UNC80: variants seen among roughly 807,000 people sequenced by gnomAD.
UNC80 encodes the protein unc-80 subunit of NALCN channel complex, also known as protein unc-80 homolog.
A neutral mutation model predicts 384.6 loss-of-function variants in UNC80; 164 were observed. The observed-to-expected ratio is 0.43, with a 90% CI of 0.38 to 0.49. The LOEUF is 0.49. Ranked by LOEUF, UNC80 falls within the 20% of genes least tolerant of loss-of-function variation. The pLI is 0.00. For missense variants in UNC80, 3,330 were observed against 4,143.0 expected (o/e 0.80, Z 5.39); for synonymous variants, 1,486 against 1,527.8 (o/e 0.97, Z 0.64).
intron 25 of UNC80, 67 bp from the exon 26 acceptor site, chr2:209,888,028 C>A: frequency 6.7e-7 from 1 of 1,484,126 alleles, no homozygotes; most frequent in Admixed American, 2.1e-5. Flanking sequence ...TGGTGGGAGG[C>A]TTGCCGCGAG....
intron 5 of UNC80, among the ~76,000 whole-genome samples, chr2:209,786,901 G>A (rs1214299580): frequency 6.7e-6 from 1 of 149,948 alleles, no homozygotes; most frequent in South Asian, 2.1e-4. Context: ...ATAAATTCTA[G>A]TCTTCTATTC....
At chr2:209,809,313 C>G in intron 7 of UNC80, 1 of 766,310 alleles carries the variant, frequency 1.3e-6, no homozygotes, top group Non-Finnish European at 2.4e-6. Context: ...TCCGAAGCCA[C>G]ACGCTGCCCT....
In UNC80 at chr2:209,918,659, A is replaced by ATTAATGAAGT. The variant is rs1246361103; in HGVS notation, c.5339_5340insTTAATGAAGT (p.Gln1780HisfsTer2). On this transcript the variant is annotated stop_gained and frameshift_variant, in exon 33 of 65. Coordinates refer to ENST00000673920, the MANE Select transcript of UNC80 (RefSeq NM_001371986.1). LOFTEE classifies it high-confidence loss of function. Reference sequence around the variant, plus strand: ...GTCCAGGACCCCATTAATGAAGACCAGTCTGTGAGTAACAGACACTTCCAG... The same window carrying ATTAATGAAGT: ...GTCCAGGACCCCATTAATGAAGACCATTAATGAAGTGTCTGTGAGTAACAGACACTTCCAG... The ATTAATGAAGT allele has an allele frequency of 6.5e-7, 1 of 1,546,278 alleles. No homozygotes were observed. The highest frequency in any genetic ancestry group is 1.4e-5 in the African/African-American group (1 of 72,978).
Position 209,984,905 on chromosome 2 carries a change from C to T in UNC80, c.9307C>T (p.Leu3103Phe). The T allele has an allele frequency of 6.4e-7, 1 of 1,551,082 alleles. No homozygotes were observed. Among genetic ancestry groups the T allele is most frequent in the Non-Finnish European group, 8.7e-7 (1 of 1,146,714 alleles). The change falls in exon 61 of 65, where the codon CTC becomes TTC. Residue 3103 changes from leucine to phenylalanine, a missense_variant. By Grantham distance (22) the Leu-to-Phe change is conservative. Around this residue, in one of 8 missense-constraint regions of UNC80, gnomAD observed 216 missense variants for 245.3 expected, o/e 0.88. Coordinates refer to ENST00000673920, the MANE Select transcript of UNC80 (RefSeq NM_001371986.1). ...DSQGLAAEGS[L>F]SRVASIQSEP... ...CCAGGGCCTGGCCGCCGAGGGCAGC[C>T]TCTCTAGGTACAGTGTCAATGCTAC...
chr2:209,910,558 T>G (rs888259931), intron 29 of UNC80, among the ~76,000 whole-genome samples: 3 of 151,604 alleles, frequency 2.0e-5, no homozygotes, highest in African/African-American at 7.3e-5. Context: ...CTTCCTAAGG[T>G]AACATGGTAG....
At chr2:209,802,821 A>G (rs2078647655) in intron 7 of UNC80, among the ~76,000 whole-genome samples, 1 of 152,218 alleles carries the variant, frequency 6.6e-6, no homozygotes, top group African/African-American at 2.4e-5. Context: ...CACAGGCTTA[A>G]CTGGGGAAAT....
At chr2:209,882,028 G>A (rs949010755) in intron 25 of UNC80, among the ~76,000 whole-genome samples, 13 of 147,320 alleles carry the variant, frequency 8.8e-5, no homozygotes, top group South Asian at 4.3e-4. Context: ...GAGCAATGGC[G>A]CGATCTCTGC....
rs1324311633 is a variant in UNC80, at chr2:209,955,720, TATATATATATATATATATACACACAC to T, written c.7457+1452_7457+1477del. Among the ~76,000 whole-genome samples the T allele has an allele frequency of 1.3e-3, 106 of 82,298 alleles. 3 individuals are homozygous for T. The highest frequency in any genetic ancestry group is 5.2e-3 in the East Asian group (15 of 2,882). The allele number at this position is 82,298 out of a possible 152,430, so 54.0% of individuals were successfully genotyped here. On this transcript the variant is annotated intron_variant, in intron 48 of 64. Coordinates refer to ENST00000673920, the MANE Select transcript of UNC80 (RefSeq NM_001371986.1). Reference sequence around the variant, plus strand: ...ATATATATATATATATATATATATATATATATATATATATATATACACACACACACACACACACAGAGAGAGACTGA... The same window carrying T: ...ATATATATATATATATATATATATATACACACACACACAGAGAGAGACTGA...
At chr2:209,922,163 C>T in intron 34 of UNC80, 89 bp from the exon 35 acceptor site, 4 of 1,395,608 alleles carry the variant, frequency 2.9e-6, no homozygotes, top group Non-Finnish European at 3.9e-6. Context: ...GGTCTGAGAG[C>T]AGTATGCATT....
At chr2:209,811,387 G>A (rs762187906) in intron 7 of UNC80, among the ~76,000 whole-genome samples, 1 of 152,166 alleles carries the variant, frequency 6.6e-6, no homozygotes, top group Admixed American at 6.5e-5. Context: ...ATATTGAAAG[G>A]ATTTGAGCCA....
intron 36 of UNC80, among the ~76,000 whole-genome samples, chr2:209,928,394 A>G (rs946969459): frequency 6.6e-6 from 1 of 152,180 alleles, no homozygotes; most frequent in Non-Finnish European, 1.5e-5. Context: ...ATGTGAAATG[A>G]CATACTCCAA....
rs957854693 is a variant in UNC80 at position 209,837,140 on chromosome 2, CT to C, written c.3042-2081del. ...AAAGAACTTAAAAATATTCAGTACTCTGATGAGATTTTAAGAAATTCTGGAT... is the reference window on the plus strand; with the variant it reads ...AAAGAACTTAAAAATATTCAGTACTCGATGAGATTTTAAGAAATTCTGGAT... On this transcript the variant is annotated intron_variant, in intron 18 of 64. Transcript: ENST00000673920. Among the ~76,000 whole-genome samples, 130 of 152,302 alleles carry C rather than the reference CT, an allele frequency of 8.5e-4. 1 individual carries two copies. Among genetic ancestry groups the C allele is most frequent in the African/African-American group, 3.1e-3 (129 of 41,560 alleles).
chr2:209,790,482 T>G (rs946899052), intron 6 of UNC80, among the ~76,000 whole-genome samples: 1 of 152,194 alleles, frequency 6.6e-6, no homozygotes, highest in African/African-American at 2.4e-5. Context: ...ATTTAACATC[T>G]TTGAAATTGA....
intron 29 of UNC80, among the ~76,000 whole-genome samples, chr2:209,909,776 T>A (rs2088696951): frequency 6.6e-6 from 1 of 152,022 alleles, no homozygotes. Context: ...CTAAGACATA[T>A]ACATAGGAAA....
chr2:209,917,681 A>G (rs2089665048), intron 31 of UNC80, 96 bp from the exon 32 acceptor site: 1 of 1,426,248 alleles, frequency 7.0e-7, no homozygotes, highest in Non-Finnish European at 9.4e-7. Context: ...CTCAGGAGTC[A>G]TTTTCAGAAG....
chr2:209,841,325 T>A (rs1353315138), intron 20 of UNC80, among the ~76,000 whole-genome samples: 1 of 152,182 alleles, frequency 6.6e-6, no homozygotes, highest in African/African-American at 2.4e-5. Flanking sequence ...TTTGTTTTGT[T>A]CCTTGTGGGT....
intron 25 of UNC80, among the ~76,000 whole-genome samples, chr2:209,883,133 A>T (rs1280311667): frequency 6.6e-6 from 1 of 152,128 alleles, no homozygotes; most frequent in African/African-American, 2.4e-5. Context: ...CAGCTATCTA[A>T]CCCTAGTTGG....
chr2:209,776,992 T>C (rs903043266), intron 3 of UNC80, among the ~76,000 whole-genome samples: 1 of 152,164 alleles, frequency 6.6e-6, no homozygotes, highest in Non-Finnish European at 1.5e-5. Context: ...GAGTCTATAT[T>C]TTTAACCACT....
At chr2:209,851,966 T>C (rs2082563469) in intron 22 of UNC80, among the ~76,000 whole-genome samples, 1 of 152,040 alleles carries the variant, frequency 6.6e-6, no homozygotes, top group Non-Finnish European at 1.5e-5. Flanking sequence ...GTTAGGAAAG[T>C]GAAGGTGACA....
Sources: gnomAD v4.1 joint callset for allele counts (sites outside exome capture counted in the v4.1 genomes callset) on GRCh38, gnomAD v4.1.1 for gene constraint, gnomAD v4.1.1 regional missense constraint, MANE v1.5 for transcripts, NCBI Gene and HGNC (gene_info 2026-07-23, HGNC 2026-07-21) for gene names.